Variants in GPRC5C observed in about 807,000 individuals in gnomAD.
GPRC5C encodes the protein G protein-coupled receptor family C group 5 member C.
In GPRC5C, 22 loss-of-function variants were observed where a neutral mutation model predicts 31.4. The observed-to-expected ratio is 0.70, with a 90% CI of 0.50 to 1.00. The LOEUF (loss-of-function observed/expected upper bound fraction) is 1.00, where lower values mean the gene tolerates loss of function less well. Among genes scored for constraint, GPRC5C ranks in the 50% least tolerant of loss-of-function variants. The pLI, the probability that GPRC5C is intolerant of heterozygous loss-of-function variation, is 0.00. For missense variants in GPRC5C, 557 were observed against 597.2 expected (o/e 0.93, Z 0.70); for synonymous variants, 249 against 257.5 (o/e 0.97, Z 0.32).
chr17:74,447,571 G>A (rs2706526), downstream of GPRC5C: 134,671 of 157,310 alleles, frequency 0.86, 57,960 homozygotes, highest in Admixed American at 0.91. Context: ...TTCCTGTGCA[G>A]TTAAGTAGCT....
chr17:74,439,990 G>A lies in GPRC5C; in HGVS notation c.214G>A (p.Val72Met). The A allele has an allele frequency of 6.2e-7, 1 of 1,609,902 alleles. No homozygotes were observed. The highest frequency in any genetic ancestry group is 8.5e-7 in the Non-Finnish European group (1 of 1,180,020). ...CACGTTTGTGCTCACCATCATCCTGGTGGCCAGCCTCCCCTTTGTGCAGGA... is the reference window on the plus strand; with the variant it reads ...CACGTTTGTGCTCACCATCATCCTGATGGCCAGCCTCCCCTTTGTGCAGGA... ...VTTFVLTIIL[V>M]ASLPFVQDTK... Residue 72 changes from valine to methionine, a missense_variant, in exon 2 of 4, where the codon GTG (valine) becomes ATG (methionine). Transcript: ENST00000392627.
chr17:74,433,761 A>C, intron 1 of GPRC5C: 5 of 1,610,256 alleles, frequency 3.1e-6, no homozygotes, highest in Non-Finnish European at 4.3e-6. Flanking sequence ...GCCATGGGTC[A>C]GTGTTGAGTT....
At chr17:74,443,961 A>G (rs935032357) in intron 3 of GPRC5C, 49 bp downstream of exon 3, 1 of 1,288,030 alleles carries the variant, frequency 7.8e-7, no homozygotes, top group Non-Finnish European at 1.1e-6. Flanking sequence ...TACAGAGACC[A>G]GCCTCAGCAG....
At position 74,447,278 on chromosome 17, in the gene GPRC5C, G is replaced by A. The variant is rs111239854; in HGVS notation, c.*250G>A. On this transcript the variant is annotated 3_prime_UTR_variant, in exon 4 of 4. Coordinates refer to ENST00000392627, the MANE Select transcript of GPRC5C (RefSeq NM_022036.4). ...GGATCACCTCGGCGGTCACACTCCA[G>A]CCAAATAGTGTTCTCGGGGTGGTGG... is the stretch of plus-strand genomic sequence containing the variant. The A allele has an allele frequency of 1.6e-4, 201 of 1,261,978 alleles. 4 individuals carry two copies. The African/African-American group carries it at 2.5e-3, about 16-fold the overall frequency. The allele number at this position is 1,261,978 out of a possible 1,614,324, so 78.2% of individuals were successfully genotyped here. A position where few individuals can be genotyped will look rare whatever the true frequency, so the allele number is the denominator to read the frequency against.
chr17:74,444,452 G>T (rs7225984), intron 3 of GPRC5C, among the ~76,000 whole-genome samples: 1 of 151,896 alleles, frequency 6.6e-6, no homozygotes, highest in African/African-American at 2.4e-5. Context: ...CAGGGGAGGG[G>T]GAGGGAGCAG....
intron 2 of GPRC5C, among the ~76,000 whole-genome samples, chr17:74,442,347 C>G (rs2055554582): frequency 1.3e-5 from 2 of 152,180 alleles, no homozygotes; most frequent in South Asian, 4.1e-4. Context: ...GTGTAGTGGT[C>G]TCAGCAGCGC....
At chr17:74,438,208 T>TATATATAA (rs2055465911) in intron 1 of GPRC5C, among the ~76,000 whole-genome samples, 1 of 9,456 alleles carries the variant, frequency 1.1e-4, no homozygotes, top group East Asian at 4.9e-3. Flanking sequence ...TGCTAATTCA[T>TATATATAA]ATATATATAT....
rs758157049 is a variant in GPRC5C at position 74,443,884 on chromosome 17, C to G, written c.1118C>G (p.Thr373Ser). Residue 373 changes from threonine (T) to serine (S), a missense_variant, in exon 3 of 4, where the codon ACT becomes AGT. By Grantham distance (58) the Thr-to-Ser change is moderately conservative. Transcript: ENST00000392627. Reference protein sequence around the residue: ...GQLLTSVYQPTEMALMHKVPS... With the variant: ...GQLLTSVYQPSEMALMHKVPS... ...CTGCTGACCAGTGTGTACCAGCCCACTGAGATGGCCCTGATGCACAAAGTT... is the reference window on the plus strand; with the variant it reads ...CTGCTGACCAGTGTGTACCAGCCCAGTGAGATGGCCCTGATGCACAAAGTT... 1.2e-6 allele frequency: 2 copies of G among 1,612,808 alleles called. No homozygotes were observed. The highest frequency in any genetic ancestry group is 1.1e-5 in the South Asian group (1 of 91,012).
At chr17:74,443,561 T>G (rs9893663) in intron 2 of GPRC5C, 589,436 of 631,466 alleles carry the variant, frequency 0.93, 275,500 homozygotes, top group East Asian at 1. Flanking sequence ...GGGGCTGGGG[T>G]GTCTACAGTG....
rs1049104458 is a variant in GPRC5C at position 74,447,083 on chromosome 17, C to T, written c.*55C>T. 4.5e-6 allele frequency: 7 copies of T among 1,567,126 alleles called. No homozygotes were observed. Among genetic ancestry groups the T allele is most frequent in the Admixed American group, 3.6e-5 (2 of 56,096 alleles). Reference sequence around the variant, plus strand: ...TTTGGGGAGGGCCCTGAGGACCTGGCCCCGGGCAAGGGACTCTCCAGGCTC... The same window carrying T: ...TTTGGGGAGGGCCCTGAGGACCTGGTCCCGGGCAAGGGACTCTCCAGGCTC... On this transcript the variant is annotated 3_prime_UTR_variant, in exon 4 of 4. Transcript: ENST00000392627.
intron 2 of GPRC5C, chr17:74,443,558 G>A (rs1303985916): frequency 1.6e-6 from 1 of 630,584 alleles, no homozygotes; most frequent in South Asian, 1.5e-5. Context: ...TCAGGGGCTG[G>A]GGTGTCTACA....
chr17:74,443,838 T>C lies in GPRC5C; in HGVS notation c.1072T>C (p.Tyr358His). The part of the protein sequence containing the change: ...PVAAKRPVSP[Y>H]SGYNGQLLTS... The stretch of plus-strand genomic sequence containing the variant: ...TGTAGCTAAGAGGCCGGTGTCACCA[T>C]ACAGCGGGTACAATGGGCAGCTGCT... Residue 358 changes from tyrosine (Y) to histidine (H), a missense_variant, in exon 3 of 4, where the codon TAC (tyrosine) becomes CAC (histidine). By Grantham distance (83) the Tyr-to-His change is moderately conservative (BLOSUM62 2). Transcript: ENST00000392627. 1 of 1,612,898 alleles carries C rather than the reference T, an allele frequency of 6.2e-7. No individual in the cohort carries two copies. Among genetic ancestry groups the C allele is most frequent in the Non-Finnish European group, 8.5e-7 (1 of 1,178,912 alleles).
At chr17:74,448,892 G>T (rs908982958), downstream of GPRC5C, 2 of 1,289,754 alleles carry the variant, frequency 1.6e-6, no homozygotes, top group African/African-American at 3.0e-5. Flanking sequence ...ACGTCCAGCA[G>T]CCTCTCTCCG....
At chr17:74,448,951 T>C, downstream of GPRC5C, 1 of 1,221,184 alleles carries the variant, frequency 8.2e-7, no homozygotes, top group Non-Finnish European at 1.1e-6. Flanking sequence ...TCCAGCCATG[T>C]GGTTGAGACA....
At position 74,440,278 on chromosome 17, in the gene GPRC5C, G is replaced by A; in HGVS notation, c.502G>A (p.Val168Ile). Residue 168 changes from valine to isoleucine, a missense_variant, in exon 2 of 4, where the codon GTC becomes ATC. By Grantham distance (29) the Val-to-Ile change is conservative (BLOSUM62 3). Transcript: ENST00000392627. The surrounding 1 kb of genome is among the most constrained non-coding windows in gnomAD (Gnocchi z 4.4). ...GGCTCTGCTGCTGACCCTGGTAGAG[G>A]TCATCATCAATACAGAGTGGCTGAT... ...TVALLLTLVE[V>I]IINTEWLIIT... The A allele has an allele frequency of 1.2e-6, 2 of 1,614,228 alleles. No individual in the cohort carries two copies. The highest frequency in any genetic ancestry group is 1.7e-6 in the Non-Finnish European group (2 of 1,180,042).
At chr17:74,432,490 G>T in intron 1 of GPRC5C, 1 of 1,034,174 alleles carries the variant, frequency 9.7e-7, no homozygotes, top group Non-Finnish European at 1.2e-6. Context: ...GGCCCCAAAC[G>T]CTGCGCTGGA....
At chr17:74,432,397 A>C in intron 1 of GPRC5C, 1 of 1,279,798 alleles carries the variant, frequency 7.8e-7, no homozygotes, top group Non-Finnish European at 9.9e-7. Context: ...GGGCCCCGCC[A>C]TCCCAGCCAG....
chr17:74,440,374 T>TC lies in GPRC5C; in HGVS notation c.603dup (p.Cys202LeufsTer39). On this transcript the variant is annotated frameshift_variant, in exon 2 of 4. Coordinates refer to ENST00000392627, the MANE Select transcript of GPRC5C (RefSeq NM_022036.4). LOFTEE classifies it high-confidence loss of function. The surrounding 1 kb of genome is among the most constrained non-coding windows in gnomAD (Gnocchi z 4.4). Reference sequence around the variant, plus strand: ...CAGCAGCGCAGGCTGGGCCGTGGCCTCCCCCTGTGCCATCGCCAACATGGA... The same window carrying TC: ...CAGCAGCGCAGGCTGGGCCGTGGCCTCCCCCCTGTGCCATCGCCAACATGGA... 1 of 1,614,014 alleles carries TC rather than the reference T, an allele frequency of 6.2e-7. No homozygotes were observed. Among genetic ancestry groups the TC allele is most frequent in the Non-Finnish European group, 8.5e-7 (1 of 1,179,958 alleles).
chr17:74,443,627 G>T (rs1470849884), intron 2 of GPRC5C, 191 bp from the exon 3 acceptor site: 2 of 698,724 alleles, frequency 2.9e-6, no homozygotes, highest in Non-Finnish European at 5.3e-6. Flanking sequence ...GGGGTGCTAG[G>T]CTTGGGAGGG....
Sources: allele counts gnomAD v4.1 joint callset (sites outside exome capture counted in the v4.1 genomes callset), GRCh38; gene constraint gnomAD v4.1.1; non-coding constraint Gnocchi (gnomAD v3.1); transcripts MANE v1.5; gene names NCBI Gene and HGNC (gene_info 2026-07-23, HGNC 2026-07-21).